Variants in PSD3 observed in about 807,000 individuals in gnomAD.
PSD3 encodes the protein PH and SEC7 domain-containing protein 3.
In PSD3, 49 loss-of-function variants were observed where a neutral mutation model predicts 105.5. That is an observed-to-expected ratio of 0.46 (90% CI 0.37 to 0.59). The LOEUF is 0.59. PSD3 is among the 20% of genes least tolerant of loss of function. The pLI, the probability that PSD3 is intolerant of heterozygous loss-of-function variation, is 0.00. For missense variants in PSD3, 1,561 were observed against 1,263.8 expected (o/e 1.24, Z -3.57); for synonymous variants, 557 against 457.8 (o/e 1.22, Z -2.77).
chr8:18,798,643 AAATAT>A (rs1331690601), intron 8 of PSD3, among the ~76,000 whole-genome samples: 3 of 152,186 alleles, frequency 2.0e-5, no homozygotes, highest in Non-Finnish European at 4.4e-5. Context: ...AGAATTCGTT[AAATAT>A]GGACTAATCT....
At chr8:18,946,738 A>G (rs1266724596) in intron 1 of PSD3, among the ~76,000 whole-genome samples, 2 of 146,026 alleles carry the variant, frequency 1.4e-5, no homozygotes, top group Non-Finnish European at 3.0e-5. Flanking sequence ...CATCTCTACT[A>G]AAAAAAAAAT....
chr8:18,974,684 A>C (rs1007997889), intron 1 of PSD3, among the ~76,000 whole-genome samples: 3 of 151,754 alleles, frequency 2.0e-5, no homozygotes, highest in African/African-American at 7.3e-5. Context: ...AAAAAAAAAA[A>C]CAAAAAACAG....
At chr8:18,552,086 T>A (rs1479681935) in intron 15 of PSD3, among the ~76,000 whole-genome samples, 1 of 152,188 alleles carries the variant, frequency 6.6e-6, no homozygotes. Flanking sequence ...GAAAACACGT[T>A]GACATTAGGT....
intron 9 of PSD3, among the ~76,000 whole-genome samples, chr8:18,731,928 G>T (rs1334676948): frequency 6.6e-6 from 1 of 152,114 alleles, no homozygotes; most frequent in African/African-American, 2.4e-5. Flanking sequence ...ACAGCTATTT[G>T]AGGAGTCTGA....
intron 10 of PSD3, among the ~76,000 whole-genome samples, chr8:18,647,878 C>G (rs993611553): frequency 7.2e-5 from 11 of 152,010 alleles, no homozygotes; most frequent in Admixed American, 5.9e-4. Flanking sequence ...GCACCTGCCC[C>G]CTCTCTCTCT....
intron 8 of PSD3, among the ~76,000 whole-genome samples, chr8:18,784,884 T>C (rs1159545395): frequency 6.6e-6 from 1 of 152,098 alleles, no homozygotes; most frequent in Non-Finnish European, 1.5e-5. Flanking sequence ...GCTGATTAAA[T>C]CAATGGTCAG....
rs1187933518 is a variant in PSD3 at position 18,697,389 on chromosome 8, A to C, written c.2173-41704T>G. ...AAGTACCTGACAAGTGATAAGACTC[A>C]AAACATTTTCTCTTAAATATGGAGC... On this transcript the variant is annotated intron_variant, in intron 9 of 15. Coordinates refer to ENST00000327040, the MANE Select transcript of PSD3 (RefSeq NM_015310.4). Among the ~76,000 whole-genome samples, 3 of 152,214 alleles carry C rather than the reference A, an allele frequency of 2.0e-5. No individual in the cohort carries two copies. The East Asian group carries it at 5.8e-4, about 29-fold the overall frequency.
chr8:18,825,775 A>T (rs1813131685), intron 4 of PSD3, among the ~76,000 whole-genome samples: 1 of 152,238 alleles, frequency 6.6e-6, no homozygotes. Context: ...CTTTAAAAGC[A>T]TTAGCAAAAT....
intron 9 of PSD3, among the ~76,000 whole-genome samples, chr8:18,718,717 A>G (rs1224191053): frequency 6.6e-6 from 1 of 152,202 alleles, no homozygotes; most frequent in Non-Finnish European, 1.5e-5. Flanking sequence ...GAGATGACAT[A>G]TGGTACAAGA....
intron 4 of PSD3, among the ~76,000 whole-genome samples, chr8:18,849,900 G>C (rs1190171418): frequency 5.3e-5 from 8 of 152,210 alleles, no homozygotes; most frequent in Non-Finnish European, 1.5e-5. Flanking sequence ...ACAAGTTCTA[G>C]CAGCCAGTGA....
At chr8:18,822,481 G>A (rs998102844) in intron 4 of PSD3, among the ~76,000 whole-genome samples, 1 of 152,108 alleles carries the variant, frequency 6.6e-6, no homozygotes, top group African/African-American at 2.4e-5. Context: ...ACTCCACCTG[G>A]TGCGAGAATA....
chr8:19,082,253 C>G (rs1829667826), intron 1 of PSD3, among the ~76,000 whole-genome samples: 1 of 152,188 alleles, frequency 6.6e-6, no homozygotes, highest in African/African-American at 2.4e-5. Flanking sequence ...CCCAACTCCT[C>G]TCTCCCCATG....
chr8:18,570,707 A>C (rs1394828887), intron 14 of PSD3, among the ~76,000 whole-genome samples: 2 of 151,500 alleles, frequency 1.3e-5, no homozygotes, highest in Admixed American at 6.6e-5. Flanking sequence ...ATGCAGCCAA[A>C]AAACACATGA....
At chr8:18,995,927 C>G (rs1231855408) in intron 1 of PSD3, among the ~76,000 whole-genome samples, 2 of 151,922 alleles carry the variant, frequency 1.3e-5, no homozygotes, top group Non-Finnish European at 2.9e-5. Context: ...GGTGGGGACA[C>G]AGCCAAACCA....
intron 9 of PSD3, among the ~76,000 whole-genome samples, chr8:18,726,082 A>G (rs1044812609): frequency 1.3e-4 from 20 of 152,190 alleles, no homozygotes; most frequent in Non-Finnish European, 2.5e-4. Flanking sequence ...CGTTATTGAA[A>G]GACAGAAGAC....
At chr8:18,640,391 T>C (rs1300373363) in intron 10 of PSD3, among the ~76,000 whole-genome samples, 2 of 152,148 alleles carry the variant, frequency 1.3e-5, no homozygotes, top group Non-Finnish European at 2.9e-5. Flanking sequence ...TCATCTTGAA[T>C]TGTAGTTCCT....
At chr8:18,789,827 A>G (rs1480252180) in intron 8 of PSD3, among the ~76,000 whole-genome samples, 1 of 152,216 alleles carries the variant, frequency 6.6e-6, no homozygotes, top group Non-Finnish European at 1.5e-5. Flanking sequence ...ATCAATTTGC[A>G]GAAAGTAAGA....
intron 9 of PSD3, among the ~76,000 whole-genome samples, chr8:18,730,920 T>C (rs982598984): frequency 1.3e-5 from 2 of 152,074 alleles, no homozygotes; most frequent in Non-Finnish European, 2.9e-5. Context: ...AAAAATCACA[T>C]GTACCTAGCT....
At chr8:18,730,522 C>G (rs1046838196) in intron 9 of PSD3, among the ~76,000 whole-genome samples, 1 of 152,144 alleles carries the variant, frequency 6.6e-6, no homozygotes, top group East Asian at 1.9e-4. Flanking sequence ...CCCTTAGTAC[C>G]TCTGAGGAAA....
Sources: gnomAD v4.1 joint callset for allele counts (sites outside exome capture counted in the v4.1 genomes callset) on GRCh38, gnomAD v4.1.1 for gene constraint, MANE v1.5 for transcripts, NCBI Gene and HGNC (gene_info 2026-07-23, HGNC 2026-07-21) for gene names.